Variants in MMP16 observed in about 807,000 individuals in gnomAD.
MMP16 encodes matrix metallopeptidase 16.
Under a neutral mutation model 67.8 loss-of-function variants are expected in MMP16, and 12 were observed. The observed-to-expected ratio is 0.18, with a 90% CI of 0.11 to 0.29. MMP16 has a LOEUF of 0.29. MMP16 is among the 10% of genes least tolerant of loss of function. The pLI is 1.00. For synonymous variants in MMP16, 249 were observed against 255.9 expected (o/e 0.97, Z 0.26); for missense variants, 475 against 765.7 (o/e 0.62, Z 4.48).
At chr8:88,158,626 T>C (rs1484179472) in intron 4 of MMP16, among the ~76,000 whole-genome samples, 5 of 152,224 alleles carry the variant, frequency 3.3e-5, no homozygotes, top group Admixed American at 2.6e-4. Flanking sequence ...GCCTGTTCAC[T>C]CTGATGGTAG....
At chr8:88,186,652 C>T (rs1586195590) in intron 2 of MMP16, 54 bp from the exon 3 acceptor site, 6 of 1,427,894 alleles carry the variant, frequency 4.2e-6, no homozygotes, top group Non-Finnish European at 5.6e-6. Context: ...TATTTACTAA[C>T]AACCCTAATC....
chr8:88,085,596 G>T (rs1456586934), intron 6 of MMP16, among the ~76,000 whole-genome samples: 1 of 152,008 alleles, frequency 6.6e-6, no homozygotes, highest in Non-Finnish European at 1.5e-5. Flanking sequence ...GTAGAGGAAG[G>T]AAGTGAAATA....
intron 1 of MMP16, among the ~76,000 whole-genome samples, chr8:88,214,885 C>T (rs769512820): frequency 7.9e-5 from 12 of 152,300 alleles, no homozygotes; most frequent in Non-Finnish European, 1.0e-4. Context: ...CTTTATAGAG[C>T]CTTCCAAACA....
Position 88,147,094 on chromosome 8 carries a change from T to C in MMP16, c.709+20575A>G, listed in dbSNP as rs73287058. ...ATTATATTCATTGTGGTTACTGATA[T>C]GTTTGAAATTTTAAAATTATATTAT... On this transcript the variant is annotated intron_variant, in intron 4 of 9. Coordinates refer to ENST00000286614, the MANE Select transcript of MMP16 (RefSeq NM_005941.5). 5.4e-3 allele frequency among the ~76,000 whole-genome samples: 828 copies of C among 152,184 alleles called. 2 individuals are homozygous for C. Among genetic ancestry groups the C allele is most frequent in the African/African-American group, 0.019 (770 of 41,582 alleles).
intron 6 of MMP16, among the ~76,000 whole-genome samples, chr8:88,115,205 C>T (rs886209299): frequency 2.6e-5 from 4 of 152,020 alleles, no homozygotes; most frequent in Middle Eastern, 3.2e-3. Flanking sequence ...CAGTTTTCAT[C>T]AGGTGTCTTT....
intron 7 of MMP16, among the ~76,000 whole-genome samples, chr8:88,074,133 T>C (rs1808606454): frequency 6.6e-6 from 1 of 152,200 alleles, no homozygotes; most frequent in Non-Finnish European, 1.5e-5. Flanking sequence ...TTCATGATAC[T>C]GATAATTGGA....
rs548868553 is a variant in MMP16 at position 88,116,310 on chromosome 8, C to T, written c.1083+197G>A. Among the ~76,000 whole-genome samples, 231 of 152,088 alleles carry T rather than the reference C, an allele frequency of 1.5e-3. 2 individuals are homozygous for T. The highest frequency in any genetic ancestry group is 3.4e-3 in the Middle Eastern group (1 of 294). Reference sequence around the variant, plus strand: ...AGCTTCTGCTGACACGAATGCATTCCCAAAATAGAACGTTACAGCAATCTT... The same window carrying T: ...AGCTTCTGCTGACACGAATGCATTCTCAAAATAGAACGTTACAGCAATCTT... On this transcript the variant is annotated intron_variant, in intron 6 of 9. Transcript: ENST00000286614.
At chr8:88,142,031 T>C (rs2616486) in intron 4 of MMP16, among the ~76,000 whole-genome samples, 94,847 of 151,510 alleles carry the variant, frequency 0.63, 30,596 homozygotes, top group African/African-American at 0.78. Context: ...AATTCTCCTG[T>C]CTCAGCCTCC....
intron 1 of MMP16, among the ~76,000 whole-genome samples, chr8:88,205,970 A>T (rs1307685098): frequency 6.6e-6 from 1 of 151,904 alleles, no homozygotes; most frequent in Non-Finnish European, 1.5e-5. Flanking sequence ...TTTTAGCTAC[A>T]ATTTTATCTC....
At chr8:88,199,815 A>T (rs1363380616) in intron 1 of MMP16, among the ~76,000 whole-genome samples, 1 of 151,966 alleles carries the variant, frequency 6.6e-6, no homozygotes, top group Non-Finnish European at 1.5e-5. Context: ...CCCTGTTTTC[A>T]TCATTGTCTT....
At chr8:88,156,702 A>AT (rs550388769) in intron 4 of MMP16, among the ~76,000 whole-genome samples, 47 of 151,316 alleles carry the variant, frequency 3.1e-4, no homozygotes, top group South Asian at 6.3e-4. Context: ...GACCAATTGG[A>AT]TTTTTTTTTC....
chr8:88,307,619 A>T (rs903245383), intron 1 of MMP16, among the ~76,000 whole-genome samples: 1 of 152,062 alleles, frequency 6.6e-6, no homozygotes, highest in South Asian at 2.1e-4. Context: ...AATAATTGAC[A>T]ACTGAAAACA....
chr8:88,238,790 A>C (rs976405775), intron 1 of MMP16, among the ~76,000 whole-genome samples: 1 of 151,666 alleles, frequency 6.6e-6, no homozygotes, highest in Non-Finnish European at 1.5e-5. Flanking sequence ...TATGATATTT[A>C]AGTTCATAAT....
rs561473856 is a variant in MMP16 at position 88,046,587 on chromosome 8, G to C, written c.1489+82C>G. On this transcript the variant is annotated intron_variant, in intron 9 of 9. Coordinates refer to ENST00000286614, the MANE Select transcript of MMP16 (RefSeq NM_005941.5). ...TAGCTCTAGTATAGCACTTTCCAAT[G>C]GCTTAATTTAGCAGAGTGAAAAAGC... is the stretch of plus-strand genomic sequence containing the variant. 58 of 815,876 alleles carry C rather than the reference G, an allele frequency of 7.1e-5. No individual in the cohort carries two copies. The African/African-American group carries it at 8.9e-4, about 13-fold the overall frequency. 50.5% of individuals were successfully genotyped at this position (815,876 alleles called of 1,614,324 possible). A position where few individuals can be genotyped will look rare whatever the true frequency, so the allele number is the denominator to read the frequency against.
chr8:88,064,494 T>A (rs1202714948), intron 7 of MMP16, among the ~76,000 whole-genome samples: 4 of 152,082 alleles, frequency 2.6e-5, no homozygotes, highest in Non-Finnish European at 5.9e-5. Context: ...CCTGGGCAAG[T>A]CATGAATCTG....
At chr8:88,256,663 ATC>A (rs35262224) in intron 1 of MMP16, among the ~76,000 whole-genome samples, 39 of 142,068 alleles carry the variant, frequency 2.7e-4, no homozygotes, top group African/African-American at 9.5e-4. Flanking sequence ...TAATCACCCC[ATC>A]TCTCTCTCTC....
At chr8:88,042,771 C>A (rs891454834) in intron 9 of MMP16, among the ~76,000 whole-genome samples, 7 of 152,144 alleles carry the variant, frequency 4.6e-5, no homozygotes, top group Non-Finnish European at 8.8e-5. Flanking sequence ...GATTAAACTA[C>A]AAATATGGAC....
intron 1 of MMP16, among the ~76,000 whole-genome samples, chr8:88,204,358 A>C (rs1586203596): frequency 6.6e-6 from 1 of 152,100 alleles, no homozygotes; most frequent in Non-Finnish European, 1.5e-5. Flanking sequence ...CTTCTCCAGG[A>C]TCCTGTGTGG....
chr8:88,288,024 C>T (rs186515706), intron 1 of MMP16, among the ~76,000 whole-genome samples: 46 of 152,326 alleles, frequency 3.0e-4, no homozygotes, highest in Middle Eastern at 3.4e-3. Flanking sequence ...AACACAAATG[C>T]ATGCACTATC....
Sources: gnomAD v4.1 joint callset for allele counts (sites outside exome capture counted in the v4.1 genomes callset) on GRCh38, gnomAD v4.1.1 for gene constraint, MANE v1.5 for transcripts, NCBI Gene and HGNC (gene_info 2026-07-23, HGNC 2026-07-21) for gene names.